ABCA9: variants seen among roughly 807,000 people sequenced by gnomAD.
ABCA9 encodes the protein ATP-binding cassette sub-family A member 9.
In ABCA9, 183 loss-of-function variants were observed where a neutral mutation model predicts 205.3. The ratio of observed to expected loss-of-function variants is 0.89; its 90% CI spans 0.79 to 1.01. ABCA9 has a LOEUF of 1.01. Among genes scored for constraint, ABCA9 ranks in the 50% least tolerant of loss-of-function variants. The pLI, the probability that ABCA9 is intolerant of heterozygous loss-of-function variation, is 0.00. For missense variants in ABCA9, 1,805 were observed against 1,912.4 expected (o/e 0.94, Z 1.05); for synonymous variants, 651 against 683.3 (o/e 0.95, Z 0.74).
rs560874584 is a variant in ABCA9 at position 69,035,492 on chromosome 17, G to T, written c.943-61C>A. On this transcript the variant is annotated intron_variant, in intron 7 of 38. Coordinates refer to ENST00000340001, the MANE Select transcript of ABCA9 (RefSeq NM_080283.4). ...TCTGTGAGAACAGTAGCACAAAAAA[G>T]GAATTTTATATTATAAAAGTATATT... 12 of 1,409,982 alleles carry T rather than the reference G, an allele frequency of 8.5e-6. No homozygotes were observed. In the African/African-American group the frequency reaches 1.2e-4, roughly 14 times the overall value. The allele number at this position is 1,409,982 out of a possible 1,614,324, so 87.3% of individuals were successfully genotyped here.
chr17:68,976,335 C>T (rs990461869), intron 37 of ABCA9, 145 bp from the exon 38 acceptor site: 24 of 681,440 alleles, frequency 3.5e-5, no homozygotes, highest in Non-Finnish European at 5.0e-5. Context: ...GGAAAGCAAA[C>T]GCGATATAGT....
At chr17:69,035,118 C>A in intron 8 of ABCA9, 128 bp downstream of exon 8, 1 of 793,368 alleles carries the variant, frequency 1.3e-6, no homozygotes, top group Non-Finnish European at 1.8e-6. Context: ...AAAGTCACTC[C>A]TGTCTCATAC....
At chr17:69,053,979 T>C (rs1186808908) in intron 1 of ABCA9, among the ~76,000 whole-genome samples, 2 of 152,048 alleles carry the variant, frequency 1.3e-5, no homozygotes, top group African/African-American at 4.8e-5. Context: ...AAATAAGAAT[T>C]TTATCTAACT....
At chr17:69,074,750 C>G in the ABCA9 span, among the ~76,000 whole-genome samples, 1 of 152,098 alleles carries the variant, frequency 6.6e-6, no homozygotes, top group Admixed American at 6.6e-5. Context: ...TTATCCATTT[C>G]CTCTAGGTTT....
intron 3 of ABCA9, among the ~76,000 whole-genome samples, chr17:69,048,838 T>C (rs747555771): frequency 1.1e-4 from 16 of 152,188 alleles, no homozygotes; most frequent in Non-Finnish European, 2.4e-4. Flanking sequence ...CACGCCAATC[T>C]TGTGGCTTTT....
chr17:69,063,495 G>T (rs774749024), upstream of ABCA9, among the ~76,000 whole-genome samples: 23 of 152,278 alleles, frequency 1.5e-4, no homozygotes, highest in Admixed American at 1.5e-3. Context: ...TTTTCCAGGG[G>T]CTTTTATCTT....
At chr17:69,070,508 C>A in the ABCA9 span, among the ~76,000 whole-genome samples, 1 of 152,280 alleles carries the variant, frequency 6.6e-6, no homozygotes, top group East Asian at 1.9e-4. Flanking sequence ...ACTCCCTCCC[C>A]TAGCCAAGGG....
chr17:69,031,166 C>A (rs1328968660), intron 10 of ABCA9, among the ~76,000 whole-genome samples: 2 of 152,120 alleles, frequency 1.3e-5, no homozygotes, highest in African/African-American at 4.8e-5. Context: ...ATCTTCAATA[C>A]CCTCCTCCTT....
chr17:69,035,867 C>T (rs1255555077), intron 6 of ABCA9, 66 bp from the exon 7 acceptor site: 2 of 1,523,036 alleles, frequency 1.3e-6, no homozygotes, highest in Admixed American at 3.9e-5. Context: ...TTCATTTATT[C>T]AGCAAATGAT....
intron 9 of ABCA9, 71 bp from the exon 10 acceptor site, chr17:69,032,347 A>C (rs770469375): frequency 3.4e-5 from 49 of 1,427,378 alleles, no homozygotes; most frequent in Non-Finnish European, 4.5e-5. Flanking sequence ...ATATCAGTGC[A>C]GCCCCTTTGA....
At chr17:69,068,616 T>C in the ABCA9 span, among the ~76,000 whole-genome samples, 1 of 152,154 alleles carries the variant, frequency 6.6e-6, no homozygotes, top group African/African-American at 2.4e-5. Context: ...CCAGCTAAAA[T>C]ATAATTCATG....
At position 69,029,178 on chromosome 17, in the gene ABCA9, C is replaced by T. The variant is rs780519375; in HGVS notation, c.1495G>A (p.Ala499Thr). The change falls in exon 11 of 39, where the codon GCT (alanine) becomes ACT (threonine). Residue 499 changes from alanine to threonine, a missense_variant. Coordinates refer to ENST00000340001, the MANE Select transcript of ABCA9 (RefSeq NM_080283.4). ...AATATTATTTTATTACCTTTCAAAG[C>T]TTCTACTCTCTCACACTTCCCTGCA... is the stretch of plus-strand genomic sequence containing the variant. ...EYAGKCERVE[A>T]LKGVVFDIYE... The T allele has an allele frequency of 2.6e-6, 4 of 1,551,874 alleles. No individual in the cohort carries two copies. In the East Asian group the frequency reaches 6.8e-5, roughly 26 times the overall value.
intron 3 of ABCA9, 81 bp downstream of exon 3, chr17:69,049,202 C>A: frequency 7.4e-7 from 1 of 1,358,204 alleles, no homozygotes; most frequent in Non-Finnish European, 1.0e-6. Context: ...GAACATTCAA[C>A]ATAATTTATG....
chr17:69,022,063 A>AT, intron 17 of ABCA9: 2 of 300,838 alleles, frequency 6.6e-6, no homozygotes, highest in East Asian at 5.7e-5. Flanking sequence ...CTAAACATTT[A>AT]TTTTTTCACT....
intron 16 of ABCA9, among the ~76,000 whole-genome samples, chr17:69,025,228 C>T (rs549286921): frequency 4.7e-4 from 72 of 152,264 alleles, no homozygotes; most frequent in African/African-American, 1.6e-3. Flanking sequence ...TATTCATTCA[C>T]TCAATATTTC....
upstream of ABCA9, among the ~76,000 whole-genome samples, chr17:69,064,403 TC>T (rs777195764): frequency 7.2e-5 from 11 of 152,190 alleles, no homozygotes; most frequent in Non-Finnish European, 1.6e-4. Flanking sequence ...TACATCTTTC[TC>T]CCCCATCTTC....
chr17:69,065,151 G>A (rs2072333677), upstream of ABCA9, among the ~76,000 whole-genome samples: 1 of 152,046 alleles, frequency 6.6e-6, no homozygotes, highest in Admixed American at 6.5e-5. Context: ...TAGATTTTTG[G>A]GTTTTGTCCT....
intron 8 of ABCA9, among the ~76,000 whole-genome samples, chr17:69,034,256 C>G (rs1420514611): frequency 3.9e-5 from 6 of 152,166 alleles, no homozygotes; most frequent in African/African-American, 1.4e-4. Flanking sequence ...GGGTCTCACT[C>G]TGTTACCCAG....
chr17:69,018,957 C>T (rs1159240500), intron 19 of ABCA9, among the ~76,000 whole-genome samples: 1 of 152,078 alleles, frequency 6.6e-6, no homozygotes, highest in Non-Finnish European at 1.5e-5. Context: ...GAACTTTATC[C>T]CATCCTGTTT....
Sources: allele counts gnomAD v4.1 joint callset (sites outside exome capture counted in the v4.1 genomes callset), GRCh38; gene constraint gnomAD v4.1.1; transcripts MANE v1.5; gene names NCBI Gene and HGNC (gene_info 2026-07-23, HGNC 2026-07-21).